The following ZNF776 variants were observed in gnomAD, a reference collection of about 807,000 sequenced individuals.
ZNF776 encodes the protein zinc finger protein 776.
A neutral mutation model predicts 7.0 loss-of-function variants in ZNF776; 4 were observed. The observed-to-expected ratio is 0.57, with a 90% CI of 0.28 to 1.31. ZNF776 has a LOEUF of 1.31. ZNF776 is among the 50% of genes most tolerant of loss of function. The pLI is 0.10. For missense variants in ZNF776, 555 were observed against 625.9 expected (o/e 0.89, Z 1.21); for synonymous variants, 212 against 213.7 (o/e 0.99, Z 0.07).
chr19:57,748,482 T>C (rs1487504640), intron 1 of ZNF776, among the ~76,000 whole-genome samples: 1 of 152,202 alleles, frequency 6.6e-6, no homozygotes, highest in East Asian at 1.9e-4. Flanking sequence ...GGATTGACAC[T>C]GGAGACATCT....
rs1986819223 is a variant in ZNF776, at chr19:57,757,759, C to T, written c.*3072C>T. 1.3e-5 allele frequency: 2 copies of T among 152,150 alleles called. No individual in the cohort carries two copies. Among genetic ancestry groups the T allele is most frequent in the African/African-American group, 4.8e-5 (2 of 41,434 alleles). The allele number at this position is 152,150 out of a possible 1,614,324, so 9.4% of individuals were successfully genotyped here. The stretch of plus-strand genomic sequence containing the variant: ...CTAGCCTGGGTCCCATAGTAAGACC[C>T]TGTCTCTTAAAAAATAAATACTATC... On this transcript the variant is annotated 3_prime_UTR_variant, in exon 3 of 3. Coordinates refer to ENST00000317178, the MANE Select transcript of ZNF776 (RefSeq NM_173632.4).
In ZNF776 at chr19:57,757,590, G is replaced by A. The variant is rs1986814937; in HGVS notation, c.*2903G>A. 1 of 152,174 alleles carries A rather than the reference G, an allele frequency of 6.6e-6. No homozygotes were observed. The highest frequency in any genetic ancestry group is 1.5e-5 in the Non-Finnish European group (1 of 68,046). 9.4% of individuals were successfully genotyped at this position (152,174 alleles called of 1,614,324 possible). A position where few individuals can be genotyped will look rare whatever the true frequency, so the allele number is the denominator to read the frequency against. ...CAATGTAAAATCACATAACCTATTTGTCAAAAATAATGTTAAATCCAGATA... is the reference window on the plus strand; with the variant it reads ...CAATGTAAAATCACATAACCTATTTATCAAAAATAATGTTAAATCCAGATA... On this transcript the variant is annotated 3_prime_UTR_variant, in exon 3 of 3. Transcript: ENST00000317178.
chr19:57,747,486 A>G (rs1241981311), intron 1 of ZNF776, among the ~76,000 whole-genome samples: 1 of 152,202 alleles, frequency 6.6e-6, no homozygotes, highest in Admixed American at 6.5e-5. Context: ...AGGTTTCCCA[A>G]AGTCCAGTCG....
At chr19:57,751,868 GTTTTTTTTTTTTT>G (rs768825787) in intron 2 of ZNF776, among the ~76,000 whole-genome samples, 2 of 67,508 alleles carry the variant, frequency 3.0e-5, no homozygotes, top group East Asian at 4.9e-4. Flanking sequence ...TTTTGGTTTT[GTTTTTTTTTTTTT>G]TTTTTTTTTG....
Position 57,746,998 on chromosome 19 carries a change from G to A in ZNF776, c.-61G>A, listed in dbSNP as rs1231767223. ...CACCAAGGCCGGGATCGGGACCACC[G>A]TGCCCGGGTACCTGCACTGCTCGCC... On this transcript the variant is annotated 5_prime_UTR_variant, in exon 1 of 3. It adds an upstream start codon to the 5' untranslated region. Coordinates refer to ENST00000317178, the MANE Select transcript of ZNF776 (RefSeq NM_173632.4). 2 of 1,497,364 alleles carry A rather than the reference G, an allele frequency of 1.3e-6. No individual in the cohort carries two copies. The highest frequency in any genetic ancestry group is 1.4e-5 in the African/African-American group (1 of 71,756). 92.8% of individuals were successfully genotyped at this position (1,497,364 alleles called of 1,614,324 possible).
At chr19:57,748,943 C>G (rs1043590543) in intron 1 of ZNF776, among the ~76,000 whole-genome samples, 1 of 151,270 alleles carries the variant, frequency 6.6e-6, no homozygotes, top group Non-Finnish European at 1.5e-5. Context: ...GGTCTTGGGC[C>G]TTAAATGGAT....
intron 1 of ZNF776, chr19:57,749,383 C>T (rs968003393): frequency 2.0e-5 from 3 of 152,180 alleles, no homozygotes; most frequent in Admixed American, 1.3e-4. Context: ...TCTGAAGTTA[C>T]ATGTGGTTTT....
Position 57,757,392 on chromosome 19 carries a change from TTAG to T in ZNF776, c.*2709_*2711del, listed in dbSNP as rs1358912185. 2 of 152,176 alleles carry T rather than the reference TTAG, an allele frequency of 1.3e-5. No individual in the cohort carries two copies. The highest frequency in any genetic ancestry group is 2.4e-5 in the African/African-American group (1 of 41,380). 9.4% of individuals were successfully genotyped at this position (152,176 alleles called of 1,614,324 possible). On this transcript the variant is annotated 3_prime_UTR_variant, in exon 3 of 3. Transcript: ENST00000317178. ...TGCATACCAAAAAGCCATCCCTGAATTAGTAGGAGGAAGAGGATAGGGAGAAAG... is the reference window on the plus strand; with the variant it reads ...TGCATACCAAAAAGCCATCCCTGAATTAGGAGGAAGAGGATAGGGAGAAAG...
intron 2 of ZNF776, among the ~76,000 whole-genome samples, chr19:57,751,513 C>T (rs1986601394): frequency 6.6e-6 from 1 of 151,996 alleles, no homozygotes; most frequent in South Asian, 2.1e-4. Context: ...AGGCTTCTGC[C>T]ATCACATCCC....
intron 2 of ZNF776, among the ~76,000 whole-genome samples, chr19:57,751,874 T>TTTTG (rs1986617727): frequency 8.8e-6 from 1 of 113,950 alleles, no homozygotes; most frequent in Non-Finnish European, 1.7e-5. Flanking sequence ...TTTTGTTTTT[T>TTTTG]TTTTTTTTTT....
Position 57,753,710 on chromosome 19 carries a change from G to C in ZNF776, c.580G>C (p.Glu194Gln). 6.2e-7 allele frequency: 1 copy of C among 1,614,178 alleles called. No homozygotes were observed. The highest frequency in any genetic ancestry group is 1.1e-5 in the South Asian group (1 of 91,088). The change falls in exon 3 of 3, where the codon GAA becomes CAA. Residue 194 changes from glutamate to glutamine, a missense_variant. Glu to Gln is a conservative substitution (Grantham distance 29). Transcript: ENST00000317178. Reference protein sequence around the residue: ...DIHTSGKSNFETKHGIPLQGG... With the variant: ...DIHTSGKSNFQTKHGIPLQGG... ...TCACACTTCAGGGAAGTCAAACTTTGAAACTAAGCATGGGATACCCCTTCA... is the reference window on the plus strand; with the variant it reads ...TCACACTTCAGGGAAGTCAAACTTTCAAACTAAGCATGGGATACCCCTTCA...
chr19:57,750,299 G>A (rs569038609), intron 1 of ZNF776, among the ~76,000 whole-genome samples: 2 of 151,992 alleles, frequency 1.3e-5, no homozygotes, highest in South Asian at 4.2e-4. Context: ...CCGGCACGGT[G>A]GCATGCACCT....
chr19:57,750,622 C>G (rs936861992), intron 1 of ZNF776, among the ~76,000 whole-genome samples, 163 bp from the exon 2 acceptor site: 2 of 152,176 alleles, frequency 1.3e-5, no homozygotes, highest in African/African-American at 4.8e-5. Context: ...CTTCTTGTGG[C>G]TGATGGCTGT....
At position 57,747,199 on chromosome 19, in the gene ZNF776, G is replaced by C. The variant is rs1282691126; in HGVS notation, c.33+108G>C. On this transcript the variant is annotated intron_variant, in intron 1 of 2. Transcript: ENST00000317178. ...GGTTTTACACCCTGAACCCGGCGTC[G>C]GGACACTGAGGCGCTCTCTATGGGC... is the stretch of plus-strand genomic sequence containing the variant. 4 of 1,233,862 alleles carry C rather than the reference G, an allele frequency of 3.2e-6. No individual in the cohort carries two copies. In the Admixed American group the frequency reaches 9.7e-5, roughly 30 times the overall value. The allele number at this position is 1,233,862 out of a possible 1,614,324, so 76.4% of individuals were successfully genotyped here. A position where few individuals can be genotyped will look rare whatever the true frequency, so the allele number is the denominator to read the frequency against.
Position 57,754,754 on chromosome 19 carries a change from C to A in ZNF776, c.*67C>A. 6.6e-7 allele frequency: 1 copy of A among 1,506,418 alleles called. No homozygotes were observed. Among genetic ancestry groups the A allele is most frequent in the Non-Finnish European group, 9.0e-7 (1 of 1,109,150 alleles). The allele number at this position is 1,506,418 out of a possible 1,614,324, so 93.3% of individuals were successfully genotyped here. On this transcript the variant is annotated 3_prime_UTR_variant, in exon 3 of 3. Transcript: ENST00000317178. ...ACATTCGTGAGATCACACTGGAAAG[C>A]ACTTATGAGTATGGAGAATGTGCAA...
At position 57,758,073 on chromosome 19, in the gene ZNF776, A is replaced by G. The variant is rs1311584169; in HGVS notation, c.*3386A>G. ...TGACATGCTATGGAAATCACTGTAT[A>G]CGAATTCATCTGCTTATGGATATGT... On this transcript the variant is annotated 3_prime_UTR_variant, in exon 3 of 3. Coordinates refer to ENST00000317178, the MANE Select transcript of ZNF776 (RefSeq NM_173632.4). The G allele has an allele frequency of 6.6e-6, 1 of 152,196 alleles. No homozygotes were observed. Among genetic ancestry groups the G allele is most frequent in the East Asian group, 1.9e-4 (1 of 5,200 alleles). The allele number at this position is 152,196 out of a possible 1,614,324, so 9.4% of individuals were successfully genotyped here.
In ZNF776 at chr19:57,753,412, G is replaced by T. The variant is rs770768919; in HGVS notation, c.282G>T (p.Met94Ile). ...CCAAGAAGGTCCACCTCTGGGGAAT[G>T]TGTGGCCCTCTCCTGGGAGATATCT... is the stretch of plus-strand genomic sequence containing the variant. Reference protein sequence around the residue: ...VCTKKVHLWGMCGPLLGDILH... With the variant: ...VCTKKVHLWGICGPLLGDILH... The change falls in exon 3 of 3, where the codon ATG becomes ATT. Residue 94 changes from methionine to isoleucine, a missense_variant. Transcript: ENST00000317178. 4.6e-5 allele frequency: 75 copies of T among 1,614,096 alleles called. No individual in the cohort carries two copies. The highest frequency in any genetic ancestry group is 5.9e-5 in the Non-Finnish European group (70 of 1,180,048).
Position 57,758,136 on chromosome 19 carries a change from C to T in ZNF776, c.*3449C>T, listed in dbSNP as rs955246826. On this transcript the variant is annotated 3_prime_UTR_variant, in exon 3 of 3. Coordinates refer to ENST00000317178, the MANE Select transcript of ZNF776 (RefSeq NM_173632.4). ...TTTTTGTCTGTTAGGAATAAAACTG[C>T]TTGTTAAGCACATTTGAATGCAATT... 3 of 152,122 alleles carry T rather than the reference C, an allele frequency of 2.0e-5. No individual in the cohort carries two copies. Among genetic ancestry groups the T allele is most frequent in the Admixed American group, 6.6e-5 (1 of 15,254 alleles). The allele number at this position is 152,122 out of a possible 1,614,324, so 9.4% of individuals were successfully genotyped here.
Position 57,753,998 on chromosome 19 carries a change from A to G in ZNF776, c.868A>G (p.Arg290Gly), listed in dbSNP as rs781592635. 1.5e-5 allele frequency: 25 copies of G among 1,614,106 alleles called. No homozygotes were observed. In the South Asian group the frequency reaches 2.0e-4, roughly 13 times the overall value. The change falls in exon 3 of 3, where the codon AGA (arginine) becomes GGA (glycine). Residue 290 changes from arginine (R) to glycine (G), a missense_variant. By Grantham distance (125) the Arg-to-Gly change is moderately radical. Transcript: ENST00000317178. ...TEHQRVHTGE[R>G]PYECGECDKS... ...ACACCAGAGAGTTCACACTGGAGAA[A>G]GACCTTATGAGTGTGGAGAATGTGA...
Sources: gnomAD v4.1 joint callset for allele counts (sites outside exome capture counted in the v4.1 genomes callset) on GRCh38, gnomAD v4.1.1 for gene constraint, MANE v1.5 for transcripts, NCBI Gene and HGNC (gene_info 2026-07-23, HGNC 2026-07-21) for gene names.